The following NSUN6 variants were observed in gnomAD, a reference collection of about 807,000 sequenced individuals.
NSUN6 encodes the protein tRNA (cytosine(72)-C(5))-methyltransferase NSUN6.
In NSUN6, 64 loss-of-function variants were observed where a neutral mutation model predicts 58.0. That is an observed-to-expected ratio of 1.10 (90% confidence interval 0.90 to 1.36). The LOEUF (loss-of-function observed/expected upper bound fraction) is 1.36, where lower values mean the gene tolerates loss of function less well. Among genes scored for constraint, NSUN6 ranks in the 40% most tolerant of loss-of-function variants. NSUN6 has a pLI of 0.00. For synonymous variants in NSUN6, 231 were observed against 193.9 expected (o/e 1.19, Z -1.59); for missense variants, 701 against 550.1 (o/e 1.27, Z -2.74).
intron 3 of NSUN6, among the ~76,000 whole-genome samples, chr10:18,618,209 C>T (rs186010426): frequency 6.6e-6 from 1 of 152,286 alleles, no homozygotes; most frequent in African/African-American, 2.4e-5. Context: ...CAGATTTTCT[C>T]TGTCTTTGGT....
intron 6 of NSUN6, among the ~76,000 whole-genome samples, chr10:18,605,052 A>AT (rs2057998876): frequency 6.6e-6 from 1 of 151,290 alleles, no homozygotes. Flanking sequence ...CGCCCAGCTA[A>AT]TTTTTTGTAT....
At chr10:18,653,274 G>A (rs2059740120), upstream of NSUN6, 2 of 980,108 alleles carry the variant, frequency 2.0e-6, no homozygotes, top group Non-Finnish European at 2.4e-6. Flanking sequence ...TGAAAAGATG[G>A]ATGAACATCT....
intron 3 of NSUN6, 131 bp downstream of exon 3, chr10:18,642,345 T>G: frequency 1.7e-6 from 1 of 584,906 alleles, no homozygotes; most frequent in South Asian, 2.4e-5. Context: ...TTATGAAGTT[T>G]TGAATTCCTG....
chr10:18,651,213 T>G lies in NSUN6; in HGVS notation c.-10A>C, dbSNP rs1180555204. Reference sequence around the variant, plus strand: ...TAGGGAAAATAGACATTTTTCCTGTTGTTTAGTTCTCCACCAAGAGAAATG... The same window carrying G: ...TAGGGAAAATAGACATTTTTCCTGTGGTTTAGTTCTCCACCAAGAGAAATG... On this transcript the variant is annotated 5_prime_UTR_variant, in exon 1 of 11. Coordinates refer to ENST00000377304, the MANE Select transcript of NSUN6 (RefSeq NM_182543.5). The G allele has an allele frequency of 1.3e-6, 2 of 1,550,414 alleles. No homozygotes were observed. Among genetic ancestry groups the G allele is most frequent in the Non-Finnish European group, 1.7e-6 (2 of 1,157,686 alleles).
At chr10:18,610,694 T>A (rs992609832) in intron 5 of NSUN6, among the ~76,000 whole-genome samples, 5 of 152,190 alleles carry the variant, frequency 3.3e-5, no homozygotes, top group Admixed American at 3.3e-4. Context: ...GGAGAATGAC[T>A]CATCAAGACA....
chr10:18,554,068 T>C (rs148294972), intron 8 of NSUN6, among the ~76,000 whole-genome samples: 5 of 148,992 alleles, frequency 3.4e-5, no homozygotes, highest in Non-Finnish European at 4.5e-5. Flanking sequence ...GAATGGAGAA[T>C]AGAATGCAAT....
At chr10:18,638,495 A>G (rs1284032074) in intron 3 of NSUN6, among the ~76,000 whole-genome samples, 4 of 152,094 alleles carry the variant, frequency 2.6e-5, no homozygotes, top group Middle Eastern at 3.2e-3. Flanking sequence ...AATCAAAATC[A>G]AGCATTACAC....
At chr10:18,597,560 G>A (rs572960329) in intron 6 of NSUN6, among the ~76,000 whole-genome samples, 95 of 152,094 alleles carry the variant, frequency 6.2e-4, no homozygotes, top group Non-Finnish European at 1.0e-3. Flanking sequence ...GCCTGAGGTC[G>A]GGAGTTTGAG....
At chr10:18,552,065 G>C (rs1444022751) in intron 8 of NSUN6, 94 bp from the exon 9 acceptor site, 7 of 745,344 alleles carry the variant, frequency 9.4e-6, no homozygotes, top group African/African-American at 1.8e-5. Context: ...TCATAATCTA[G>C]AATAAAAAAA....
chr10:18,602,959 T>C (rs1029943663), intron 6 of NSUN6, among the ~76,000 whole-genome samples: 1 of 152,188 alleles, frequency 6.6e-6, no homozygotes, highest in Non-Finnish European at 1.5e-5. Context: ...GACCAAAATA[T>C]ACAACCTCTA....
chr10:18,579,080 G>GT (rs1321118147), intron 8 of NSUN6, among the ~76,000 whole-genome samples: 1 of 152,196 alleles, frequency 6.6e-6, no homozygotes, highest in African/African-American at 2.4e-5. Context: ...CATACCTGGC[G>GT]TGAGTGAAGT....
intron 1 of NSUN6, among the ~76,000 whole-genome samples, chr10:18,650,607 T>C (rs947544111): frequency 6.6e-6 from 1 of 152,246 alleles, no homozygotes; most frequent in Non-Finnish European, 1.5e-5. Context: ...ATTTCAATAG[T>C]TACTTGATAG....
intron 8 of NSUN6, among the ~76,000 whole-genome samples, chr10:18,580,053 G>T (rs78496751): frequency 0.01 from 1,553 of 152,154 alleles, 19 homozygotes; most frequent in Non-Finnish European, 0.016. Flanking sequence ...CTTTGAGGTG[G>T]TGTGTAATTT....
chr10:18,562,195 T>G (rs891360690), intron 8 of NSUN6, among the ~76,000 whole-genome samples: 3 of 146,608 alleles, frequency 2.0e-5, no homozygotes, highest in Non-Finnish European at 1.5e-5. Flanking sequence ...GAGAATGGAA[T>G]GGAATGGAGA....
intron 3 of NSUN6, among the ~76,000 whole-genome samples, chr10:18,620,188 C>G (rs2058555742): frequency 6.6e-6 from 1 of 151,912 alleles, no homozygotes; most frequent in African/African-American, 2.4e-5. Context: ...CCCGGGTTCA[C>G]GCCATTCTCC....
At chr10:18,654,115 C>T (rs993330883), upstream of NSUN6, among the ~76,000 whole-genome samples, 1 of 151,986 alleles carries the variant, frequency 6.6e-6, no homozygotes, top group African/African-American at 2.4e-5. Context: ...GTGATCACTG[C>T]CCTCGAGTCT....
At chr10:18,586,904 T>C (rs2057173979) in intron 7 of NSUN6, among the ~76,000 whole-genome samples, 1 of 152,090 alleles carries the variant, frequency 6.6e-6, no homozygotes, top group Non-Finnish European at 1.5e-5. Context: ...GCATTTACAA[T>C]CCTTTAGCTA....
At chr10:18,605,538 T>C (rs1414038848) in intron 6 of NSUN6, among the ~76,000 whole-genome samples, 1 of 152,204 alleles carries the variant, frequency 6.6e-6, no homozygotes, top group Non-Finnish European at 1.5e-5. Flanking sequence ...AGGATTTGAA[T>C]GATTTTTTAA....
chr10:18,627,419 G>A (rs1443686945), intron 3 of NSUN6, among the ~76,000 whole-genome samples: 1 of 152,218 alleles, frequency 6.6e-6, no homozygotes, highest in African/African-American at 2.4e-5. Context: ...CTGAGGAGAA[G>A]AATAGGAACA....
Sources: allele counts gnomAD v4.1 joint callset (sites outside exome capture counted in the v4.1 genomes callset), GRCh38; gene constraint gnomAD v4.1.1; transcripts MANE v1.5; gene names NCBI Gene and HGNC (gene_info 2026-07-23, HGNC 2026-07-21).